The following PPRC1 variants were observed in gnomAD, a reference collection of about 807,000 sequenced individuals.
PPRC1 encodes peroxisome proliferator-activated receptor gamma coactivator-related protein 1.
PPRC1 carries 23 observed loss-of-function variants against 132.5 expected under a neutral mutation model. That is an observed-to-expected ratio of 0.17 (90% CI 0.12 to 0.25). PPRC1 has a LOEUF of 0.25. PPRC1 is among the 10% of genes least tolerant of loss of function. The pLI, the probability that PPRC1 is intolerant of heterozygous loss-of-function variation, is 1.00. For missense variants in PPRC1, 2,006 were observed against 2,089.1 expected, an observed-to-expected ratio of 0.96 and a Z score of 0.78; for synonymous variants, 872 against 833.5, an observed-to-expected ratio of 1.05 and a Z score of -0.80.
intron 6 of PPRC1, among the ~76,000 whole-genome samples, chr10:102,143,553 C>G (rs373464008): frequency 1.6e-4 from 24 of 146,478 alleles, no homozygotes; most frequent in East Asian, 1.6e-3. Context: ...GAGCCGAGAT[C>G]GTGCCATTGC....
At chr10:102,137,384 C>T (rs1245267055) in intron 1 of PPRC1, among the ~76,000 whole-genome samples, 1 of 152,036 alleles carries the variant, frequency 6.6e-6, no homozygotes, top group Non-Finnish European at 1.5e-5. Flanking sequence ...TCACCGTGGG[C>T]TGGGGAAGCT....
At chr10:102,131,504 G>A (rs2068542841), upstream of PPRC1, among the ~76,000 whole-genome samples, 1 of 152,120 alleles carries the variant, frequency 6.6e-6, no homozygotes, top group South Asian at 2.1e-4. Context: ...ATTTTCTACT[G>A]TATTTCAAAT....
intron 7 of PPRC1, 76 bp downstream of exon 7, chr10:102,144,383 G>T: frequency 4.2e-6 from 6 of 1,415,284 alleles, no homozygotes; most frequent in Non-Finnish European, 5.9e-6. Context: ...ACTGTCAACT[G>T]GATGCCTCTG....
chr10:102,136,260 T>A (rs895477987), intron 1 of PPRC1, among the ~76,000 whole-genome samples: 1 of 152,112 alleles, frequency 6.6e-6, no homozygotes, highest in Non-Finnish European at 1.5e-5. Context: ...TAACCAGCCT[T>A]TCCTTTTCCT....
rs772824059 is a variant in PPRC1, at chr10:102,140,076, C to T, written c.1568C>T (p.Ala523Val). 6.8e-6 allele frequency: 11 copies of T among 1,614,218 alleles called. No individual in the cohort carries two copies. Among genetic ancestry groups the T allele is most frequent in the Non-Finnish European group, 9.3e-6 (11 of 1,180,044 alleles). The change falls in exon 5 of 14, where the codon GCT becomes GTT. Residue 523 changes from alanine to valine, a missense_variant. Ala to Val is a moderately conservative substitution (Grantham distance 64, BLOSUM62 0). This residue lies in a region of PPRC1 where 1,914 missense variants were observed against 1,917.2 expected (regional missense o/e 1.00). Transcript: ENST00000278070. ...GPLQGKGKPR[A>V]WARAWAAALE... ...CTCCAGGGTAAGGGGAAGCCCCGGGCTTGGGCTCGGGCCTGGGCAGCTGCC... is the reference window on the plus strand; with the variant it reads ...CTCCAGGGTAAGGGGAAGCCCCGGGTTTGGGCTCGGGCCTGGGCAGCTGCC...
rs752121310 is a variant in PPRC1 at position 102,140,904 on chromosome 10, C to T, written c.2396C>T (p.Pro799Leu). Residue 799 changes from proline to leucine, a missense_variant, in exon 5 of 14, where the codon CCA becomes CTA. Coordinates refer to ENST00000278070, the MANE Select transcript of PPRC1 (RefSeq NM_015062.5). ...GACATCCCTTGTCTTGTCATCCCAC[C>T]AGCCCCAGCCAAGAAGACAGCTCTG... ...LADIPCLVIP[P>L]APAKKTALQR... 3.1e-6 allele frequency: 5 copies of T among 1,614,044 alleles called. No individual in the cohort carries two copies. Among genetic ancestry groups the T allele is most frequent in the Non-Finnish European group, 4.2e-6 (5 of 1,180,008 alleles).
chr10:102,145,137 A>T (rs780219059), intron 8 of PPRC1, 47 bp downstream of exon 8: 3 of 1,529,932 alleles, frequency 2.0e-6, no homozygotes, highest in African/African-American at 1.4e-5. Context: ...CTATGCAGCA[A>T]CACTTGCTGA....
upstream of PPRC1, among the ~76,000 whole-genome samples, chr10:102,131,462 G>T (rs1268430912): frequency 6.6e-6 from 1 of 152,024 alleles, no homozygotes. Flanking sequence ...CATGTGTGGG[G>T]ATGTATAGTG....
chr10:102,148,750 CAG>C lies in PPRC1; in HGVS notation c.4617+61_4618-61del. ...GGGCTTACCCCCTGAGCCTTGAGCT[CAG>C]AGAGCTGCCTGCAGCTGTAGCCCTG... On this transcript the variant is annotated intron_variant, in intron 11 of 13. Coordinates refer to ENST00000278070, the MANE Select transcript of PPRC1 (RefSeq NM_015062.5). The surrounding 1 kb of genome is among the most constrained non-coding windows in gnomAD (Gnocchi z 4.2). 3 of 1,614,116 alleles carry C rather than the reference CAG, an allele frequency of 1.9e-6. No homozygotes were observed. In the Admixed American group the frequency reaches 5.0e-5, roughly 27 times the overall value.
Position 102,140,276 on chromosome 10 carries a change from G to C in PPRC1, c.1768G>C (p.Val590Leu). 1 of 1,614,216 alleles carries C rather than the reference G, an allele frequency of 6.2e-7. No individual in the cohort carries two copies. ...AQASPMPVDSVEADPTAVGPV... is the reference protein window; with the variant it reads ...AQASPMPVDSLEADPTAVGPV... ...AGCCAGCCCCATGCCAGTTGACTCT[G>C]TTGAAGCTGATCCCACTGCAGTTGG... Residue 590 changes from valine to leucine, a missense_variant, in exon 5 of 14, where the codon GTT becomes CTT. This residue lies in a region of PPRC1 where 1,914 missense variants were observed against 1,917.2 expected (regional missense o/e 1.00). Coordinates refer to ENST00000278070, the MANE Select transcript of PPRC1 (RefSeq NM_015062.5).
chr10:102,125,868 T>TC, the PPRC1 span, among the ~76,000 whole-genome samples: 34 of 151,280 alleles, frequency 2.2e-4, no homozygotes, highest in Admixed American at 5.3e-4. Flanking sequence ...TCTTTTCTTT[T>TC]TTTTTTTTTT....
Position 102,139,181 on chromosome 10 carries a change from T to C in PPRC1, c.673T>C (p.Trp225Arg). 1 of 1,614,062 alleles carries C rather than the reference T, an allele frequency of 6.2e-7. No individual in the cohort carries two copies. The highest frequency in any genetic ancestry group is 8.5e-7 in the Non-Finnish European group (1 of 1,179,948). ...LETSSPKLPS[W>R]RPPRSRPRWG... ...GACCTCTTCCCCCAAGCTTCCTAGC[T>C]GGAGACCCCCAAGATCAAGACCACG... Residue 225 changes from tryptophan (W) to arginine (R), a missense_variant, in exon 5 of 14, where the codon TGG becomes CGG. By Grantham distance (101) the Trp-to-Arg change is moderately radical. Around this residue, in one of 2 missense-constraint regions of PPRC1, gnomAD observed 1,914 missense variants for 1,917.2 expected, o/e 1.00. Coordinates refer to ENST00000278070, the MANE Select transcript of PPRC1 (RefSeq NM_015062.5).
At position 102,141,519 on chromosome 10, in the gene PPRC1, C is replaced by T. The variant is rs1431615575; in HGVS notation, c.3011C>T (p.Pro1004Leu). ...WSTVPPPPLP[P>L]ASIGRAVPQP... The stretch of plus-strand genomic sequence containing the variant: ...ACTGTTCCCCCACCTCCTTTGCCTC[C>T]AGCCTCCATTGGGAGAGCTGTTCCC... Residue 1004 changes from proline to leucine, a missense_variant, in exon 5 of 14, where the codon CCA becomes CTA. Pro to Leu is a moderately conservative substitution (Grantham distance 98). Transcript: ENST00000278070. The T allele has an allele frequency of 3.7e-6, 6 of 1,613,944 alleles. No homozygotes were observed. In the Admixed American group the frequency reaches 1.0e-4, roughly 27 times the overall value.
chr10:102,125,513 C>T, the PPRC1 span, among the ~76,000 whole-genome samples: 1 of 152,168 alleles, frequency 6.6e-6, no homozygotes, highest in East Asian at 1.9e-4. Context: ...CTGCCTCAGC[C>T]TCCCAAAGTG....
the PPRC1 span, among the ~76,000 whole-genome samples, chr10:102,127,051 ATATATATATATATATAT>A: frequency 3.9e-4 from 23 of 59,364 alleles, no homozygotes; most frequent in African/African-American, 4.7e-4. Flanking sequence ...ATATATATAT[ATATATATATATATATAT>A]AAATTAAAAA....
At chr10:102,120,380 C>T in the PPRC1 span, 4 of 984,306 alleles carry the variant, frequency 4.1e-6, no homozygotes, top group South Asian at 4.7e-5. Flanking sequence ...TCCGTGTGTG[C>T]GTGTGTGCGC....
upstream of PPRC1, among the ~76,000 whole-genome samples, chr10:102,128,119 T>C (rs1401856442): frequency 6.6e-6 from 1 of 151,552 alleles, no homozygotes; most frequent in East Asian, 1.9e-4. Context: ...AGTTCTTCAC[T>C]GGTTTTTGGT....
In PPRC1 at chr10:102,147,623, T is replaced by G. The variant is rs558435894; in HGVS notation, c.4400+231T>G. Among the ~76,000 whole-genome samples the G allele has an allele frequency of 3.9e-5, 6 of 152,344 alleles. No individual in the cohort carries two copies. The East Asian group carries it at 1.2e-3, about 29-fold the overall frequency. ...TGGGGTGTCAGGTCTCCTGCTTCTTTGAGACCTGCCTTGGGGAGACTTTTA... is the reference window on the plus strand; with the variant it reads ...TGGGGTGTCAGGTCTCCTGCTTCTTGGAGACCTGCCTTGGGGAGACTTTTA... On this transcript the variant is annotated intron_variant, in intron 9 of 13. Coordinates refer to ENST00000278070, the MANE Select transcript of PPRC1 (RefSeq NM_015062.5).
intron 5 of PPRC1, among the ~76,000 whole-genome samples, 193 bp downstream of exon 5, chr10:102,142,197 G>C (rs2069014933): frequency 6.6e-6 from 1 of 151,262 alleles, no homozygotes; most frequent in Non-Finnish European, 1.5e-5. Flanking sequence ...CTGCCTCCCA[G>C]GTTCAAGCAA....
Sources: gnomAD v4.1 joint callset for allele counts (sites outside exome capture counted in the v4.1 genomes callset) on GRCh38, gnomAD v4.1.1 for gene constraint, gnomAD v4.1.1 regional missense constraint, Gnocchi (gnomAD v3.1) non-coding constraint, MANE v1.5 for transcripts, NCBI Gene and HGNC (gene_info 2026-07-23, HGNC 2026-07-21) for gene names.